The following GLI3 variants were observed in gnomAD, a reference collection of about 807,000 sequenced individuals.
GLI3 encodes the protein GLI family zinc finger 3.
GLI3 carries 20 observed loss-of-function variants against 100.8 expected under a neutral mutation model. The ratio of observed to expected loss-of-function variants is 0.20; its 90% CI spans 0.14 to 0.29. The LOEUF (loss-of-function observed/expected upper bound fraction) is 0.29. Among genes scored for constraint, GLI3 ranks in the 10% least tolerant of loss-of-function variants. GLI3 has a pLI of 1.00. For synonymous variants in GLI3, 938 were observed against 860.5 expected (o/e 1.09, Z -1.58); for missense variants, 2,040 against 2,128.5 (o/e 0.96, Z 0.82).
chr7:42,014,290 C>T (rs1326082278), intron 10 of GLI3, among the ~76,000 whole-genome samples: 3 of 152,292 alleles, frequency 2.0e-5, no homozygotes, highest in East Asian at 3.9e-4. Context: ...TGGTGCTACT[C>T]GGCTCTTTAA....
At chr7:42,090,089 G>C (rs1038701202) in intron 3 of GLI3, among the ~76,000 whole-genome samples, 2 of 152,094 alleles carry the variant, frequency 1.3e-5, no homozygotes, top group African/African-American at 2.4e-5. Context: ...GTGTATCTAA[G>C]CATATCTAAA....
At chr7:41,973,202 T>C (rs532081446) in intron 12 of GLI3, among the ~76,000 whole-genome samples, 11 of 152,296 alleles carry the variant, frequency 7.2e-5, no homozygotes, top group African/African-American at 2.6e-4. Context: ...ATGTGCTCCT[T>C]TGGGTAGCAT....
chr7:42,175,780 ACAGTAACAACTACCGAATAT>A (rs1326084068), intron 2 of GLI3, among the ~76,000 whole-genome samples: 3 of 152,180 alleles, frequency 2.0e-5, no homozygotes, highest in Non-Finnish European at 4.4e-5. Context: ...AATAACACTA[ACAGTAACAACTACCGAATAT>A]CAGACTGTAC....
At chr7:42,075,583 G>A (rs959918094) in intron 4 of GLI3, among the ~76,000 whole-genome samples, 1 of 152,146 alleles carries the variant, frequency 6.6e-6, no homozygotes, top group African/African-American at 2.4e-5. Context: ...ATACTTACTT[G>A]TGTTCCAGTG....
At chr7:42,080,997 C>T (rs1784986491) in intron 3 of GLI3, among the ~76,000 whole-genome samples, 1 of 152,168 alleles carries the variant, frequency 6.6e-6, no homozygotes, top group South Asian at 2.1e-4. Flanking sequence ...CCATCTCCTG[C>T]CCTGCCCCTT....
At chr7:42,193,817 T>C (rs1439483281) in intron 2 of GLI3, among the ~76,000 whole-genome samples, 1 of 152,138 alleles carries the variant, frequency 6.6e-6, no homozygotes, top group Non-Finnish European at 1.5e-5. Flanking sequence ...TACAGAAAAG[T>C]ACTAAAAAGG....
chr7:42,263,622 A>G (rs2128712369), intron 1 of GLI3, among the ~76,000 whole-genome samples: 1 of 151,882 alleles, frequency 6.6e-6, no homozygotes, highest in African/African-American at 2.4e-5. Flanking sequence ...AATTTTTTGT[A>G]TTTTTAGTAC....
intron 3 of GLI3, among the ~76,000 whole-genome samples, chr7:42,131,107 T>C (rs1786264129): frequency 6.6e-6 from 1 of 152,190 alleles, no homozygotes; most frequent in Admixed American, 6.5e-5. Context: ...TGTTGGGAAG[T>C]TACTTGATGT....
At chr7:42,009,581 C>T (rs1017745505) in intron 10 of GLI3, among the ~76,000 whole-genome samples, 3 of 150,718 alleles carry the variant, frequency 2.0e-5, no homozygotes, top group Non-Finnish European at 4.4e-5. Context: ...ACTCAACTGG[C>T]CTCTGACTCC....
chr7:42,152,782 C>T (rs1003081760), intron 2 of GLI3, among the ~76,000 whole-genome samples: 1 of 152,186 alleles, frequency 6.6e-6, no homozygotes, highest in African/African-American at 2.4e-5. Flanking sequence ...TGCTATAAAC[C>T]AAGTACTCTG....
chr7:42,080,434 C>A (rs1412650798), intron 3 of GLI3, among the ~76,000 whole-genome samples: 1 of 152,128 alleles, frequency 6.6e-6, no homozygotes, highest in South Asian at 2.1e-4. Flanking sequence ...CTGATTTGAC[C>A]AAAGACATCT....
intron 3 of GLI3, among the ~76,000 whole-genome samples, chr7:42,122,715 G>A (rs892611382): frequency 6.6e-6 from 1 of 152,128 alleles, no homozygotes; most frequent in African/African-American, 2.4e-5. Flanking sequence ...AAAAGCATGT[G>A]CAAGTCAAGT....
intron 3 of GLI3, among the ~76,000 whole-genome samples, chr7:42,127,169 G>A (rs910978530): frequency 3.3e-5 from 5 of 152,176 alleles, no homozygotes; most frequent in Admixed American, 2.0e-4. Flanking sequence ...CACTCCTTCT[G>A]GTAACAAGCC....
Position 41,966,130 on chromosome 7 carries a change from G to A in GLI3, c.2943C>T (p.Asp981=). 2 of 1,586,418 alleles carry A rather than the reference G, an allele frequency of 1.3e-6. No individual in the cohort carries two copies. Among genetic ancestry groups the A allele is most frequent in the South Asian group, 1.1e-5 (1 of 88,784 alleles). Residue 981 remains aspartate (D), a synonymous_variant, in exon 15 of 15, where the codon GAC becomes GAT. Coordinates refer to ENST00000395925, the MANE Select transcript of GLI3 (RefSeq NM_000168.6). The surrounding 1 kb of genome is among the most constrained non-coding windows in gnomAD (Gnocchi z 5.8). The stretch of plus-strand genomic sequence containing the variant: ...GCCGCCCGTAGCCGTGGGCTCCCCC[G>A]TCGCTGCACCTCCTCGGGGCATGAA... ...PPVHAPRRCS[D]GGAHGYGRRH...
chr7:42,100,893 T>C (rs1209092374), intron 3 of GLI3, among the ~76,000 whole-genome samples: 12 of 152,110 alleles, frequency 7.9e-5, no homozygotes, highest in Admixed American at 7.9e-4. Context: ...CCTTAAGATT[T>C]CAGAGGGAGG....
chr7:42,111,091 A>G (rs113305432), intron 3 of GLI3, among the ~76,000 whole-genome samples: 3,387 of 152,322 alleles, frequency 0.022, 121 homozygotes, highest in African/African-American at 0.077. Flanking sequence ...AGTATTAAAG[A>G]TTATTAAGGA....
Position 41,972,218 on chromosome 7 carries a change from T to C in GLI3, c.2103+119A>G. ...AATACGGGTCACTGCCCTCATCGCC[T>C]CCTCAGATCAGAGACAGCCTGACAC... On this transcript the variant is annotated intron_variant, in intron 13 of 14. Coordinates refer to ENST00000395925, the MANE Select transcript of GLI3 (RefSeq NM_000168.6). This position sits in a 1 kb window ranked among gnomAD's most constrained non-coding sequence, Gnocchi z 4.4. 1.1e-6 allele frequency: 1 copy of C among 941,006 alleles called. No homozygotes were observed. Among genetic ancestry groups the C allele is most frequent in the Non-Finnish European group, 1.7e-6 (1 of 571,564 alleles). 58.3% of individuals were successfully genotyped at this position (941,006 alleles called of 1,614,324 possible).
At chr7:42,030,510 T>C (rs924943859) in intron 7 of GLI3, among the ~76,000 whole-genome samples, 4 of 152,176 alleles carry the variant, frequency 2.6e-5, no homozygotes, top group Non-Finnish European at 5.9e-5. Context: ...ACGAAGCTAG[T>C]GTCTACATCC....
At chr7:41,992,479 C>A (rs1025312412) in intron 10 of GLI3, among the ~76,000 whole-genome samples, 4 of 152,106 alleles carry the variant, frequency 2.6e-5, no homozygotes, top group African/African-American at 9.7e-5. Flanking sequence ...AGAAAGACTG[C>A]AGCTGATGCA....
Sources: gnomAD v4.1 joint callset for allele counts (sites outside exome capture counted in the v4.1 genomes callset) on GRCh38, gnomAD v4.1.1 for gene constraint, Gnocchi (gnomAD v3.1) non-coding constraint, MANE v1.5 for transcripts, NCBI Gene and HGNC (gene_info 2026-07-23, HGNC 2026-07-21) for gene names.